Variants in PAX7 observed in about 807,000 individuals in gnomAD.
PAX7 encodes the protein paired box 7.
In PAX7, 18 loss-of-function variants were observed where a neutral mutation model predicts 50.7. That is an observed-to-expected ratio of 0.36 (90% CI 0.25 to 0.53). The LOEUF (loss-of-function observed/expected upper bound fraction) is 0.53. Among genes scored for constraint, PAX7 ranks in the 20% least tolerant of loss-of-function variants. The pLI is 0.93. For synonymous variants in PAX7, 310 were observed against 290.4 expected (o/e 1.07, Z -0.69); for missense variants, 644 against 702.9 (o/e 0.92, Z 0.95).
At chr1:18,649,370 G>T (rs952267813) in intron 4 of PAX7, among the ~76,000 whole-genome samples, 4 of 152,272 alleles carry the variant, frequency 2.6e-5, no homozygotes, top group South Asian at 2.1e-4. Flanking sequence ...CACAGAGGGG[G>T]AGACTGAGGC....
chr1:18,731,279 G>C (rs1392403730), intron 7 of PAX7, among the ~76,000 whole-genome samples: 2 of 152,116 alleles, frequency 1.3e-5, no homozygotes, highest in African/African-American at 4.8e-5. Context: ...AGCCCTAAAG[G>C]TCCCCGGGAA....
rs144835222 is a variant in PAX7 at position 18,631,624 on chromosome 1, G to C, written c.21G>C (p.Thr7=). The change falls in exon 1 of 9, where the codon ACG becomes ACC. Residue 7 remains threonine (T), a synonymous_variant. Coordinates refer to ENST00000420770, the MANE Select transcript of PAX7 (RefSeq NM_001135254.2). The part of the protein sequence containing the change: MAALPG[T]VPRMMRPAPG... The stretch of plus-strand genomic sequence containing the variant: ...CAAGAATGGCGGCCCTTCCCGGCAC[G>C]GTACCGAGAATGATGCGGCCGGCTC... 8 of 1,612,812 alleles carry C rather than the reference G, an allele frequency of 5.0e-6. No homozygotes were observed. The highest frequency in any genetic ancestry group is 2.2e-5 in the East Asian group (1 of 44,832).
intron 7 of PAX7, among the ~76,000 whole-genome samples, chr1:18,717,586 G>A (rs1253200111): frequency 1.3e-5 from 2 of 152,148 alleles, no homozygotes; most frequent in East Asian, 1.9e-4. Context: ...CATGCCCCTT[G>A]TATTCCCCTG....
At chr1:18,691,719 C>T (rs2089072413) in intron 4 of PAX7, 35 bp from the exon 5 acceptor site, 1 of 1,544,574 alleles carries the variant, frequency 6.5e-7, no homozygotes, top group South Asian at 1.2e-5. Flanking sequence ...TCTCTCTAAG[C>T]CCCTGCCTTC....
At chr1:18,693,083 A>T (rs1343916626) in intron 5 of PAX7, among the ~76,000 whole-genome samples, 1 of 152,110 alleles carries the variant, frequency 6.6e-6, no homozygotes, top group South Asian at 2.1e-4. Context: ...AGTCGTGATG[A>T]ACGGCTCTTG....
intron 7 of PAX7, among the ~76,000 whole-genome samples, chr1:18,712,692 C>T (rs3819345): frequency 0.098 from 14,887 of 152,176 alleles, 1,044 homozygotes; most frequent in East Asian, 0.33. Context: ...ACCTTGCCTC[C>T]TTTCTTAGAG....
intron 4 of PAX7, among the ~76,000 whole-genome samples, chr1:18,678,145 C>G (rs1490458279): frequency 6.6e-6 from 1 of 151,634 alleles, no homozygotes; most frequent in Non-Finnish European, 1.5e-5. Flanking sequence ...GGCGCAGTGG[C>G]TCACGCCTGT....
At chr1:18,655,743 C>CTAGATT (rs1458364731) in intron 4 of PAX7, among the ~76,000 whole-genome samples, 1 of 151,010 alleles carries the variant, frequency 6.6e-6, no homozygotes, top group East Asian at 1.9e-4. Context: ...AAACATTGAA[C>CTAGATT]TAGAGCCACT....
At chr1:18,701,397 CA>C (rs2089219520) in intron 6 of PAX7, among the ~76,000 whole-genome samples, 2 of 150,574 alleles carry the variant, frequency 1.3e-5, no homozygotes, top group Admixed American at 1.3e-4. Context: ...TGGGTGTGTG[CA>C]TGAGTGTGTG....
rs965537674 is a variant in PAX7, at chr1:18,735,467, T to C, written c.1156-165T>C. ...CGAAGACCAGCAGCCATCCCATGCA[T>C]GAGGGCACGCAAATCAGGTAAACTG... On this transcript the variant is annotated intron_variant, in intron 7 of 8. Transcript: ENST00000420770. This position sits in a 1 kb window ranked among gnomAD's most constrained non-coding sequence, Gnocchi z 4.0. Among the ~76,000 whole-genome samples the C allele has an allele frequency of 2.6e-5, 4 of 152,136 alleles. No homozygotes were observed. The highest frequency in any genetic ancestry group is 5.9e-5 in the Non-Finnish European group (4 of 68,012).
intron 5 of PAX7, among the ~76,000 whole-genome samples, chr1:18,695,823 G>A (rs1328980165): frequency 6.6e-6 from 1 of 152,112 alleles, no homozygotes; most frequent in Non-Finnish European, 1.5e-5. Flanking sequence ...GTCACCCCAT[G>A]GCCTCTCCCA....
chr1:18,638,587 G>T (rs2088199070), intron 4 of PAX7, among the ~76,000 whole-genome samples: 1 of 152,196 alleles, frequency 6.6e-6, no homozygotes, highest in African/African-American at 2.4e-5. Flanking sequence ...GCTTTGAATG[G>T]CTGTGTAAGC....
chr1:18,725,861 G>A (rs967267560), intron 7 of PAX7, among the ~76,000 whole-genome samples: 1 of 152,170 alleles, frequency 6.6e-6, no homozygotes, highest in Non-Finnish European at 1.5e-5. Flanking sequence ...TTCAGACTCA[G>A]GCCAACCCAA....
chr1:18,709,204 C>T (rs1244755470), intron 7 of PAX7, among the ~76,000 whole-genome samples: 2 of 152,094 alleles, frequency 1.3e-5, no homozygotes, highest in Non-Finnish European at 2.9e-5. Flanking sequence ...GAAAATCACA[C>T]GGTTGGGTTA....
chr1:18,714,141 G>A (rs2100351864), intron 7 of PAX7, among the ~76,000 whole-genome samples: 1 of 151,926 alleles, frequency 6.6e-6, no homozygotes, highest in African/African-American at 2.4e-5. Flanking sequence ...CCGGAGGCGG[G>A]GGCTGCAGTG....
At chr1:18,686,899 A>AT (rs66970112) in intron 4 of PAX7, among the ~76,000 whole-genome samples, 51,368 of 149,130 alleles carry the variant, frequency 0.34, 9,304 homozygotes, top group East Asian at 0.5. Flanking sequence ...TATTATTATT[A>AT]TTATTTTTTG....
chr1:18,708,797 C>T (rs971973814), intron 7 of PAX7, among the ~76,000 whole-genome samples: 2 of 152,070 alleles, frequency 1.3e-5, no homozygotes, highest in African/African-American at 4.8e-5. Flanking sequence ...TTCAGGAACT[C>T]ATAGTCTGAC....
At chr1:18,720,310 G>GGGA (rs1411589874) in intron 7 of PAX7, among the ~76,000 whole-genome samples, 1 of 152,234 alleles carries the variant, frequency 6.6e-6, no homozygotes, top group East Asian at 1.9e-4. Context: ...GAAGGGGCCT[G>GGGA]GGAGGGAACC....
At chr1:18,731,859 T>C (rs1188179794) in intron 7 of PAX7, among the ~76,000 whole-genome samples, 1 of 152,184 alleles carries the variant, frequency 6.6e-6, no homozygotes, top group African/African-American at 2.4e-5. Flanking sequence ...AGCTGTCAGT[T>C]CACAGCCCAG....
Sources: allele counts gnomAD v4.1 joint callset (sites outside exome capture counted in the v4.1 genomes callset), GRCh38; gene constraint gnomAD v4.1.1; non-coding constraint Gnocchi (gnomAD v3.1); transcripts MANE v1.5; gene names NCBI Gene and HGNC (gene_info 2026-07-23, HGNC 2026-07-21).